Variants in RBAK observed in about 807,000 individuals in gnomAD.
RBAK encodes the protein RB associated KRAB zinc finger.
Under a neutral mutation model 65.8 loss-of-function variants are expected in RBAK, and 39 were observed. That is an observed-to-expected ratio of 0.59 (90% CI 0.46 to 0.77). RBAK has a LOEUF of 0.77. RBAK is among the 30% of genes least tolerant of loss of function. The pLI is 0.00. For synonymous variants in RBAK, 343 were observed against 289.7 expected (o/e 1.18, Z -1.87); for missense variants, 884 against 855.1 (o/e 1.03, Z -0.42).
intron 2 of RBAK, among the ~76,000 whole-genome samples, chr7:5,050,796 A>G (rs1372906493): frequency 6.6e-6 from 1 of 150,680 alleles, no homozygotes; most frequent in Non-Finnish European, 1.5e-5. Flanking sequence ...CTGGTCTTGA[A>G]CTCCTGGGCT....
rs534906188 is a variant in RBAK at position 5,065,716 on chromosome 7, G to T, written c.*115G>T. The T allele has an allele frequency of 1.4e-6, 1 of 703,646 alleles. No homozygotes were observed. Among genetic ancestry groups the T allele is most frequent in the Non-Finnish European group, 2.1e-6 (1 of 478,492 alleles). 43.6% of individuals were successfully genotyped at this position (703,646 alleles called of 1,614,324 possible). ...TTCCTGAACGGTGAGAAGCATTTAG[G>T]CATTAGAGTCATTTTAATCCAAATT... On this transcript the variant is annotated 3_prime_UTR_variant, in exon 5 of 5. Transcript: ENST00000396912. The surrounding 1 kb of genome is among the most constrained non-coding windows in gnomAD (Gnocchi z 5.3).
In RBAK at chr7:5,057,287, C is replaced by T. The variant is rs537848715; in HGVS notation, c.16-8C>T. The T allele has an allele frequency of 9.9e-6, 16 of 1,613,874 alleles. No individual in the cohort carries two copies. Among genetic ancestry groups the T allele is most frequent in the East Asian group, 2.2e-5 (1 of 44,864 alleles). On this transcript the variant is annotated splice_region_variant and splice_polypyrimidine_tract_variant and intron_variant, in intron 2 of 4. Coordinates refer to ENST00000396912, the MANE Select transcript of RBAK (RefSeq NM_021163.4). ...TATCTCCCAATTCTGATCATGTTGC[C>T]ATTACAGGGGCCAGTGTCATTCAAA...
chr7:5,054,527 A>G (rs1384981341), intron 2 of RBAK, among the ~76,000 whole-genome samples: 1 of 151,992 alleles, frequency 6.6e-6, no homozygotes. Flanking sequence ...GGGTATATCC[A>G]GTACCTGTTA....
Position 5,063,850 on chromosome 7 carries a change from A to C in RBAK, c.394A>C (p.Ile132Leu). The C allele has an allele frequency of 2.5e-6, 4 of 1,614,110 alleles. No homozygotes were observed. Among genetic ancestry groups the C allele is most frequent in the Non-Finnish European group, 3.4e-6 (4 of 1,180,004 alleles). Residue 132 changes from isoleucine (I) to leucine (L), a missense_variant, in exon 5 of 5, where the codon ATA becomes CTA. Transcript: ENST00000396912. ...YMETSLVPSS[I>L]IAHNCVSCGK... Reference sequence around the variant, plus strand: ...GGAAACAAGCCTTGTTCCTTCAAGCATAATAGCTCATAATTGTGTCTCATG... The same window carrying C: ...GGAAACAAGCCTTGTTCCTTCAAGCCTAATAGCTCATAATTGTGTCTCATG...
Position 5,066,458 on chromosome 7 carries a change from G to C in RBAK, c.*857G>C, listed in dbSNP as rs1382041385. On this transcript the variant is annotated 3_prime_UTR_variant, in exon 5 of 5. Coordinates refer to ENST00000396912, the MANE Select transcript of RBAK (RefSeq NM_021163.4). ...TGTTTAAGTCTATTTCAGTGAAAGA[G>C]AACAAGCATACTGCCCATACTCTAA... 1 of 152,082 alleles carries C rather than the reference G, an allele frequency of 6.6e-6. No homozygotes were observed. Among genetic ancestry groups the C allele is most frequent in the African/African-American group, 2.4e-5 (1 of 41,430 alleles). 9.4% of individuals were successfully genotyped at this position (152,082 alleles called of 1,614,324 possible).
intron 2 of RBAK, among the ~76,000 whole-genome samples, chr7:5,050,463 T>C (rs1214290242): frequency 6.6e-6 from 1 of 152,246 alleles, no homozygotes; most frequent in African/African-American, 2.4e-5. Flanking sequence ...TCTTTGTTTT[T>C]GTGAACTTAA....
At chr7:5,061,634 G>A (rs934541886) in intron 4 of RBAK, among the ~76,000 whole-genome samples, 11 of 150,884 alleles carry the variant, frequency 7.3e-5, no homozygotes, top group African/African-American at 1.5e-4. Context: ...ACGGTGGCTC[G>A]TGTTTGTAAT....
Position 5,064,449 on chromosome 7 carries a change from C to T in RBAK, c.993C>T (p.His331=), listed in dbSNP as rs759204323. ...ECGKTFCQKL[H]LTQHLRTHSG... is the part of the protein sequence containing the mutation. ...GGAAAACCTTTTGTCAGAAGTTACA[C>T]CTCACTCAACACCTAAGAACTCATT... is the stretch of plus-strand genomic sequence containing the variant. The change falls in exon 5 of 5, where the codon CAC becomes CAT. Residue 331 remains histidine, a synonymous_variant. Transcript: ENST00000396912. The surrounding 1 kb of genome is among the most constrained non-coding windows in gnomAD (Gnocchi z 6.3). 1 of 1,614,036 alleles carries T rather than the reference C, an allele frequency of 6.2e-7. No homozygotes were observed. The highest frequency in any genetic ancestry group is 8.5e-7 in the Non-Finnish European group (1 of 1,179,968).
At chr7:5,063,114 C>T (rs142678427) in intron 4 of RBAK, among the ~76,000 whole-genome samples, 239 of 152,192 alleles carry the variant, frequency 1.6e-3, no homozygotes, top group African/African-American at 5.4e-3. Context: ...GATAAGTGTC[C>T]GTGAAATCTT....
intron 2 of RBAK, among the ~76,000 whole-genome samples, chr7:5,056,272 CA>C (rs1457954396): frequency 6.6e-6 from 1 of 151,416 alleles, no homozygotes; most frequent in Admixed American, 6.6e-5. Flanking sequence ...GATGCCCAGC[CA>C]ATTTTTTTTT....
In RBAK at chr7:5,067,783, A is replaced by T. The variant is rs1299186218; in HGVS notation, c.*2182A>T. 1 of 152,210 alleles carries T rather than the reference A, an allele frequency of 6.6e-6. No homozygotes were observed. Among genetic ancestry groups the T allele is most frequent in the East Asian group, 1.9e-4 (1 of 5,198 alleles). 9.4% of individuals were successfully genotyped at this position (152,210 alleles called of 1,614,324 possible). ...GATTCAAAAGTAGACCCACGTGTAT[A>T]CCATCACCTGAGTTTTGAGAAAGGT... On this transcript the variant is annotated 3_prime_UTR_variant, in exon 5 of 5. Transcript: ENST00000396912.
chr7:5,067,793 G>C lies in RBAK; in HGVS notation c.*2192G>C, dbSNP rs955112461. Reference sequence around the variant, plus strand: ...TAGACCCACGTGTATACCATCACCTGAGTTTTGAGAAAGGTGACATTGAAG... The same window carrying C: ...TAGACCCACGTGTATACCATCACCTCAGTTTTGAGAAAGGTGACATTGAAG... On this transcript the variant is annotated 3_prime_UTR_variant, in exon 5 of 5. Coordinates refer to ENST00000396912, the MANE Select transcript of RBAK (RefSeq NM_021163.4). The C allele has an allele frequency of 6.6e-6, 1 of 152,218 alleles. No homozygotes were observed. Among genetic ancestry groups the C allele is most frequent in the African/African-American group, 2.4e-5 (1 of 41,456 alleles). The allele number at this position is 152,218 out of a possible 1,614,324, so 9.4% of individuals were successfully genotyped here.
In RBAK at chr7:5,069,308, A is replaced by C. The variant is rs937740196; in HGVS notation, c.*3707A>C. The C allele has an allele frequency of 3.3e-5, 5 of 152,216 alleles. No individual in the cohort carries two copies. Among genetic ancestry groups the C allele is most frequent in the Non-Finnish European group, 7.3e-5 (5 of 68,038 alleles). The allele number at this position is 152,216 out of a possible 1,614,324, so 9.4% of individuals were successfully genotyped here. A position where few individuals can be genotyped will look rare whatever the true frequency, so the allele number is the denominator to read the frequency against. On this transcript the variant is annotated 3_prime_UTR_variant, in exon 5 of 5. Transcript: ENST00000396912. ...CATATTTATAGTAATTTTGATGGCA[A>C]CTACTAAGATTTCCTACGCTGTCCT...
In RBAK at chr7:5,064,035, T is replaced by A; in HGVS notation, c.579T>A (p.Asn193Lys). ...ATACCTATTCTCACAATGAAGAAAA[T>A]ATTCTTCAGAAAATTAGTATTTTGG... is the stretch of plus-strand genomic sequence containing the variant. ...NGDTYSHNEE[N>K]ILQKISILEK... Residue 193 changes from asparagine to lysine, a missense_variant, in exon 5 of 5, where the codon AAT becomes AAA. Transcript: ENST00000396912. The surrounding 1 kb of genome is among the most constrained non-coding windows in gnomAD (Gnocchi z 6.3). 1 of 1,613,148 alleles carries A rather than the reference T, an allele frequency of 6.2e-7. No individual in the cohort carries two copies. The highest frequency in any genetic ancestry group is 8.5e-7 in the Non-Finnish European group (1 of 1,179,776).
chr7:5,056,731 G>C (rs1778928734), intron 2 of RBAK, among the ~76,000 whole-genome samples: 3 of 152,076 alleles, frequency 2.0e-5, no homozygotes, highest in Admixed American at 2.0e-4. Flanking sequence ...GAGGCCACTG[G>C]CTATGAGAAT....
Position 5,067,942 on chromosome 7 carries a change from G to A in RBAK, c.*2341G>A, listed in dbSNP as rs1270764661. ...ATATGAAATGTGAAAGCTTTACAAA[G>A]AAATCTTAGGACAGTTTGTAATCTT... On this transcript the variant is annotated 3_prime_UTR_variant, in exon 5 of 5. Coordinates refer to ENST00000396912, the MANE Select transcript of RBAK (RefSeq NM_021163.4). 6.6e-6 allele frequency: 1 copy of A among 152,288 alleles called. No individual in the cohort carries two copies. The highest frequency in any genetic ancestry group is 1.9e-4 in the East Asian group (1 of 5,192). 9.4% of individuals were successfully genotyped at this position (152,288 alleles called of 1,614,324 possible).
rs1354349996 is a variant in RBAK, at chr7:5,048,463, C to T, written c.15+372C>T. On this transcript the variant is annotated intron_variant, in intron 2 of 4. Coordinates refer to ENST00000396912, the MANE Select transcript of RBAK (RefSeq NM_021163.4). This position sits in a 1 kb window ranked among gnomAD's most constrained non-coding sequence, Gnocchi z 4.4. Reference sequence around the variant, plus strand: ...TGCTGGGATTACAGGCATGAGCCACCGCGCCCAGCCAGGATTCATACTTTA... The same window carrying T: ...TGCTGGGATTACAGGCATGAGCCACTGCGCCCAGCCAGGATTCATACTTTA... Among the ~76,000 whole-genome samples the T allele has an allele frequency of 3.9e-5, 6 of 152,188 alleles. No individual in the cohort carries two copies. Among genetic ancestry groups the T allele is most frequent in the East Asian group, 1.9e-4 (1 of 5,198 alleles).
intron 2 of RBAK, among the ~76,000 whole-genome samples, chr7:5,055,178 A>G (rs763888679): frequency 1.4e-4 from 22 of 152,032 alleles, no homozygotes; most frequent in Non-Finnish European, 2.9e-4. Context: ...TGATCTTAGT[A>G]GGAAGGTATG....
In RBAK at chr7:5,064,416, T is replaced by C. The variant is rs746474231; in HGVS notation, c.960T>C (p.Asn320=). 4.3e-6 allele frequency: 7 copies of C among 1,613,986 alleles called. No individual in the cohort carries two copies. The African/African-American group carries it at 6.7e-5, about 15-fold the overall frequency. Residue 320 remains asparagine (N), a synonymous_variant, in exon 5 of 5, where the codon AAT becomes AAC. Coordinates refer to ENST00000396912, the MANE Select transcript of RBAK (RefSeq NM_021163.4). This position sits in a 1 kb window ranked among gnomAD's most constrained non-coding sequence, Gnocchi z 6.3. ...TAGAGGAGAAGCCCTATAAATGTAA[T>C]GAATGTGGGAAAACCTTTTGTCAGA... ...SHLEEKPYKC[N]ECGKTFCQKL... is the part of the protein sequence containing the mutation.
Sources: gnomAD v4.1 joint callset for allele counts (sites outside exome capture counted in the v4.1 genomes callset) on GRCh38, gnomAD v4.1.1 for gene constraint, Gnocchi (gnomAD v3.1) non-coding constraint, MANE v1.5 for transcripts, NCBI Gene and HGNC (gene_info 2026-07-23, HGNC 2026-07-21) for gene names.